Variants in MAOB observed in about 807,000 individuals in gnomAD.
The protein encoded by MAOB is monoamine oxidase B, also known as amine oxidase [flavin-containing] B.
Under a neutral mutation model 41.9 loss-of-function variants are expected in MAOB, and 15 were observed. That is an observed-to-expected ratio of 0.36 (90% CI 0.24 to 0.55). The LOEUF is 0.55. Among genes scored for constraint, MAOB ranks in the 20% least tolerant of loss-of-function variants. The pLI is 0.86. For synonymous variants in MAOB, 167 were observed against 144.2 expected (o/e 1.16, Z -1.13); for missense variants, 345 against 398.7 (o/e 0.87, Z 1.15).
intron 2 of MAOB, 71 bp downstream of exon 2, chrX:43,843,598 GA>G: frequency 1.9e-6 from 2 of 1,049,047 alleles, no homozygotes; most frequent in Non-Finnish European, 1.3e-6. Flanking sequence ...GACTTTTGGG[GA>G]AAAAGACAAA....
At position 43,868,836 on chromosome X, in the gene MAOB, C is replaced by T. The variant is rs774801596; in HGVS notation, c.46+13418G>A. Among the ~76,000 whole-genome samples, 6 of 107,709 alleles carry T rather than the reference C, an allele frequency of 5.6e-5. No individual in the cohort carries two copies. The East Asian group carries it at 8.8e-4, about 16-fold the overall frequency. The allele number at this position is 107,709 out of a possible 115,157, so 93.5% of individuals were successfully genotyped here. On this transcript the variant is annotated intron_variant, in intron 1 of 14. Coordinates refer to ENST00000378069, the MANE Select transcript of MAOB (RefSeq NM_000898.5). ...ACCAAAAATAAATAAGCACAGAAAA[C>T]GTAATTTCACATCAATTCTTGTGTG...
At chrX:43,852,900 C>T (rs1211861358) in intron 1 of MAOB, among the ~76,000 whole-genome samples, 1 of 111,311 alleles carries the variant, frequency 9.0e-6, no homozygotes, top group South Asian at 3.8e-4. Flanking sequence ...CAAAGCCTAA[C>T]AGAAGAGGCA....
chrX:43,793,662 T>C lies in MAOB; in HGVS notation c.769-84A>G, dbSNP rs71653617. On this transcript the variant is annotated intron_variant, in intron 7 of 14. Coordinates refer to ENST00000378069, the MANE Select transcript of MAOB (RefSeq NM_000898.5). Reference sequence around the variant, plus strand: ...ATGATTCTCTCTCATTCTATCGTTATATTCTTTTCAGTCTCTTAAAGAAGT... The same window carrying C: ...ATGATTCTCTCTCATTCTATCGTTACATTCTTTTCAGTCTCTTAAAGAAGT... The C allele has an allele frequency of 6.8e-3, 5,512 of 811,217 alleles. 23 individuals are homozygous for C. Among genetic ancestry groups the C allele is most frequent in the Middle Eastern group, 0.012 (42 of 3,419 alleles). 66.9% of individuals were successfully genotyped at this position (811,217 alleles called of 1,213,427 possible).
chrX:43,768,359 G>A (rs1483472280), intron 14 of MAOB, among the ~76,000 whole-genome samples: 2 of 111,036 alleles, frequency 1.8e-5, no homozygotes, highest in African/African-American at 6.6e-5. Context: ...ATATTTATTT[G>A]ACAGGCATTT....
chrX:43,857,122 G>T (rs866940190), intron 1 of MAOB, among the ~76,000 whole-genome samples: 1,034 of 9,432 alleles, frequency 0.11, 13 homozygotes, highest in East Asian at 0.24. Flanking sequence ...TATATAGAGA[G>T]AGAGAGAGAG....
At chrX:43,862,248 T>G (rs1465813861) in intron 1 of MAOB, among the ~76,000 whole-genome samples, 2 of 111,869 alleles carry the variant, frequency 1.8e-5, no homozygotes, top group Admixed American at 1.9e-4. Context: ...TTGTGTTTGA[T>G]TCTATGAGTC....
At chrX:43,812,618 T>C (rs1181855523) in intron 3 of MAOB, among the ~76,000 whole-genome samples, 1 of 112,828 alleles carries the variant, frequency 8.9e-6, no homozygotes, top group African/African-American at 3.2e-5. Context: ...TATTTGCCAT[T>C]TGGACGTCTT....
At chrX:43,791,711 C>T (rs1425555915) in intron 8 of MAOB, among the ~76,000 whole-genome samples, 2 of 110,215 alleles carry the variant, frequency 1.8e-5, no homozygotes, top group Middle Eastern at 4.7e-3. Context: ...GAGCCAAGAT[C>T]GCACCACTGC....
intron 1 of MAOB, among the ~76,000 whole-genome samples, chrX:43,866,092 A>G (rs912551742): frequency 1.8e-5 from 2 of 110,917 alleles, no homozygotes; most frequent in Non-Finnish European, 3.8e-5. Context: ...TTTCTGGGCC[A>G]TAACCATCAT....
intron 1 of MAOB, among the ~76,000 whole-genome samples, chrX:43,868,262 G>A: frequency 8.9e-6 from 1 of 112,207 alleles, no homozygotes; most frequent in Non-Finnish European, 1.9e-5. Flanking sequence ...CTAAAACCCA[G>A]AAATAAAGCA....
intron 8 of MAOB, among the ~76,000 whole-genome samples, chrX:43,784,927 C>G (rs900107316): frequency 8.9e-6 from 1 of 112,211 alleles, no homozygotes; most frequent in Admixed American, 9.4e-5. Context: ...ATGGGCGGAT[C>G]ACTTGAGGTC....
intron 1 of MAOB, among the ~76,000 whole-genome samples, chrX:43,867,682 A>G (rs1360299521): frequency 2.7e-5 from 3 of 112,247 alleles, no homozygotes. Flanking sequence ...TTTTCTTATC[A>G]TGCGTACAAG....
chrX:43,788,430 A>T (rs1300398643), intron 8 of MAOB, among the ~76,000 whole-genome samples: 1 of 111,870 alleles, frequency 8.9e-6, no homozygotes, highest in Non-Finnish European at 1.9e-5. Context: ...CCCTAACAAA[A>T]ATTTCACAGG....
chrX:43,852,668 A>G (rs1239301236), intron 1 of MAOB, among the ~76,000 whole-genome samples: 3 of 112,490 alleles, frequency 2.7e-5, no homozygotes, highest in Non-Finnish European at 5.6e-5. Flanking sequence ...AATGTATCAC[A>G]TAATTCCATA....
At chrX:43,800,912 T>C (rs1407572223) in intron 5 of MAOB, among the ~76,000 whole-genome samples, 2 of 111,317 alleles carry the variant, frequency 1.8e-5, no homozygotes, top group African/African-American at 3.3e-5. Context: ...ATGTGTTTAA[T>C]ATTACTATTT....
In MAOB at chrX:43,840,084, A is replaced by G. The variant is rs768775334; in HGVS notation, c.142-1079T>C. On this transcript the variant is annotated intron_variant, in intron 2 of 14. Coordinates refer to ENST00000378069, the MANE Select transcript of MAOB (RefSeq NM_000898.5). Reference sequence around the variant, plus strand: ...AGGTAAAAAGAGATATTTGAGGAACACATAATGGCAAAAACAATGGCCAGT... The same window carrying G: ...AGGTAAAAAGAGATATTTGAGGAACGCATAATGGCAAAAACAATGGCCAGT... 4.3e-3 allele frequency among the ~76,000 whole-genome samples: 483 copies of G among 112,323 alleles called. 4 individuals are homozygous for G. The highest frequency in any genetic ancestry group is 0.013 in the African/African-American group (412 of 30,933).
intron 8 of MAOB, among the ~76,000 whole-genome samples, chrX:43,783,995 G>A (rs1358297311): frequency 8.9e-6 from 1 of 111,829 alleles, no homozygotes; most frequent in African/African-American, 3.3e-5. Context: ...AAGAAATCAC[G>A]TTCTTTGCAC....
chrX:43,867,623 G>T (rs935030627), intron 1 of MAOB, among the ~76,000 whole-genome samples: 3 of 111,713 alleles, frequency 2.7e-5, no homozygotes, highest in Non-Finnish European at 5.7e-5. Flanking sequence ...ATACTGTACA[G>T]ACCACCTTAT....
intron 3 of MAOB, among the ~76,000 whole-genome samples, chrX:43,836,290 A>T (rs2035070988): frequency 8.9e-6 from 1 of 111,963 alleles, no homozygotes; most frequent in South Asian, 3.7e-4. Flanking sequence ...ACAGGTCAAA[A>T]ATGAGAAAAA....
Sources: gnomAD v4.1 joint callset for allele counts (sites outside exome capture counted in the v4.1 genomes callset) on GRCh38, gnomAD v4.1.1 for gene constraint, MANE v1.5 for transcripts, NCBI Gene and HGNC (gene_info 2026-07-23, HGNC 2026-07-21) for gene names.